CEP112: variants seen among roughly 807,000 people sequenced by gnomAD.
CEP112 encodes centrosomal protein of 112 kDa.
CEP112 carries 127 observed loss-of-function variants against 153.0 expected under a neutral mutation model. The ratio of observed to expected loss-of-function variants is 0.83; its 90% CI spans 0.72 to 0.96. The LOEUF (loss-of-function observed/expected upper bound fraction) is 0.96. Among genes scored for constraint, CEP112 ranks in the 40% least tolerant of loss-of-function variants. CEP112 has a pLI of 0.00. For synonymous variants in CEP112, 358 were observed against 374.4 expected, an observed-to-expected ratio of 0.96 and a Z score of 0.51; for missense variants, 1,089 against 1,101.2, an observed-to-expected ratio of 0.99 and a Z score of 0.16.
intron 16 of CEP112, among the ~76,000 whole-genome samples, chr17:66,020,218 G>C (rs2064947834): frequency 6.6e-6 from 1 of 152,088 alleles, no homozygotes; most frequent in African/African-American, 2.4e-5. Flanking sequence ...TACACCTAAA[G>C]GATACTGATG....
At chr17:65,857,886 C>G (rs1045481414) in intron 20 of CEP112, among the ~76,000 whole-genome samples, 11 of 152,164 alleles carry the variant, frequency 7.2e-5, no homozygotes. Flanking sequence ...TATTGTATAT[C>G]TGGAAAACAT....
At chr17:65,871,986 C>T (rs1469950215) in intron 20 of CEP112, among the ~76,000 whole-genome samples, 3 of 152,184 alleles carry the variant, frequency 2.0e-5, no homozygotes, top group Admixed American at 6.5e-5. Context: ...TTGTACATCA[C>T]CTTCTTATTT....
chr17:65,775,390 G>A (rs547768783), intron 21 of CEP112, among the ~76,000 whole-genome samples: 5 of 152,038 alleles, frequency 3.3e-5, no homozygotes, highest in Non-Finnish European at 5.9e-5. Context: ...AAGTAGAGAC[G>A]GCAGGAAAGC....
At chr17:65,936,252 C>A (rs1266088391) in intron 18 of CEP112, among the ~76,000 whole-genome samples, 2 of 152,170 alleles carry the variant, frequency 1.3e-5, no homozygotes, top group Non-Finnish European at 2.9e-5. Flanking sequence ...TAGCAAGAAA[C>A]TTCTCAACAA....
At chr17:66,088,006 G>C (rs1234807209) in intron 8 of CEP112, among the ~76,000 whole-genome samples, 1 of 150,192 alleles carries the variant, frequency 6.7e-6, no homozygotes, top group Non-Finnish European at 1.5e-5. Flanking sequence ...CCAGGCTCCA[G>C]ACTGGCCCAG....
In CEP112 at chr17:66,147,954, G is replaced by A. The variant is rs554925861; in HGVS notation, c.471-15191C>T. On this transcript the variant is annotated intron_variant, in intron 4 of 26. Transcript: ENST00000535342. ...CAGGAAATGTAAGACCTCCAACTTC[G>A]TTTTTTTTCTAAATTTGTTTTAGCT... Among the ~76,000 whole-genome samples, 8 of 151,858 alleles carry A rather than the reference G, an allele frequency of 5.3e-5. No homozygotes were observed. In the South Asian group the frequency reaches 1.5e-3, roughly 28 times the overall value.
chr17:66,024,003 G>C (rs2065100437), intron 16 of CEP112, among the ~76,000 whole-genome samples: 1 of 152,122 alleles, frequency 6.6e-6, no homozygotes, highest in East Asian at 1.9e-4. Context: ...GGGAGGCAAG[G>C]ATGATTCAGC....
chr17:66,147,779 T>G (rs1435156501), intron 4 of CEP112, among the ~76,000 whole-genome samples: 2 of 152,226 alleles, frequency 1.3e-5, no homozygotes, highest in African/African-American at 2.4e-5. Flanking sequence ...CTTTTCCCAA[T>G]GAATGGTCAT....
At chr17:65,756,127 A>G (rs973249729) in intron 21 of CEP112, among the ~76,000 whole-genome samples, 1 of 152,166 alleles carries the variant, frequency 6.6e-6, no homozygotes, top group African/African-American at 2.4e-5. Context: ...AAATCAGGAT[A>G]GGCTGGTGGC....
chr17:66,190,110 A>T (rs1478459406), intron 1 of CEP112, among the ~76,000 whole-genome samples: 1 of 152,092 alleles, frequency 6.6e-6, no homozygotes, highest in East Asian at 1.9e-4. Flanking sequence ...CGGGAGGGTC[A>T]CCTGAGGTCA....
chr17:65,694,009 A>C (rs542470840), intron 23 of CEP112, among the ~76,000 whole-genome samples: 1 of 152,268 alleles, frequency 6.6e-6, no homozygotes, highest in East Asian at 1.9e-4. Context: ...GCTATGGGAA[A>C]TAAGCTTTTG....
At chr17:65,747,243 C>A (rs2051527798) in intron 22 of CEP112, among the ~76,000 whole-genome samples, 1 of 152,170 alleles carries the variant, frequency 6.6e-6, no homozygotes, top group Non-Finnish European at 1.5e-5. Context: ...TGAACACTGA[C>A]GCTCCTCACA....
At chr17:65,991,563 A>C (rs541903625) in intron 17 of CEP112, among the ~76,000 whole-genome samples, 2 of 152,288 alleles carry the variant, frequency 1.3e-5, no homozygotes, top group East Asian at 3.9e-4. Context: ...AATAGTATTT[A>C]GAACTAATCT....
At chr17:66,071,291 A>T (rs1370833830) in intron 8 of CEP112, among the ~76,000 whole-genome samples, 1 of 152,158 alleles carries the variant, frequency 6.6e-6, no homozygotes, top group East Asian at 1.9e-4. Flanking sequence ...GCAAAAAAAA[A>T]ATTCAATTCC....
chr17:65,970,684 C>T (rs1404921846), intron 17 of CEP112, among the ~76,000 whole-genome samples: 1 of 151,818 alleles, frequency 6.6e-6, no homozygotes, highest in Non-Finnish European at 1.5e-5. Context: ...ACGCATATCA[C>T]ACACATGCAT....
chr17:65,996,631 T>C (rs753239032), intron 17 of CEP112, among the ~76,000 whole-genome samples: 9 of 152,206 alleles, frequency 5.9e-5, no homozygotes, highest in Admixed American at 2.0e-4. Flanking sequence ...ACTATTATGA[T>C]AGCTTCATCT....
At chr17:65,956,301 T>C (rs7219737) in intron 18 of CEP112, among the ~76,000 whole-genome samples, 72,856 of 151,780 alleles carry the variant, frequency 0.48, 18,478 homozygotes, top group East Asian at 0.89. Context: ...TACTTGCACA[T>C]GCATGTTTAT....
chr17:65,823,206 C>T (rs748776740), intron 21 of CEP112, among the ~76,000 whole-genome samples: 95 of 151,830 alleles, frequency 6.3e-4, no homozygotes, highest in Non-Finnish European at 8.8e-4. Flanking sequence ...CTAAGAAAAA[C>T]AAAGAAACCA....
At chr17:66,120,421 G>A (rs908998633) in intron 6 of CEP112, among the ~76,000 whole-genome samples, 22 of 152,146 alleles carry the variant, frequency 1.4e-4, no homozygotes, top group African/African-American at 4.3e-4. Context: ...GGCTGGTCTC[G>A]AACTCCTGGC....
Sources: allele counts gnomAD v4.1 joint callset (sites outside exome capture counted in the v4.1 genomes callset), GRCh38; gene constraint gnomAD v4.1.1; transcripts MANE v1.5; gene names NCBI Gene and HGNC (gene_info 2026-07-23, HGNC 2026-07-21).